The following ITSN1 variants were observed in gnomAD, a reference collection of about 807,000 sequenced individuals.
ITSN1 encodes the protein intersectin 1.
A neutral mutation model predicts 239.8 loss-of-function variants in ITSN1; 58 were observed. The observed-to-expected ratio is 0.24, with a 90% CI of 0.20 to 0.30. The LOEUF is 0.30. Among genes scored for constraint, ITSN1 ranks in the 10% least tolerant of loss-of-function variants. The pLI is 1.00. For synonymous variants in ITSN1, 780 were observed against 770.8 expected, an observed-to-expected ratio of 1.01 and a Z score of -0.20; for missense variants, 1,558 against 2,103.3, an observed-to-expected ratio of 0.74 and a Z score of 5.07.
At chr21:33,683,049 C>A (rs1269664314) in intron 1 of ITSN1, among the ~76,000 whole-genome samples, 3 of 152,164 alleles carry the variant, frequency 2.0e-5, no homozygotes, top group Admixed American at 6.5e-5. Context: ...CTTAACCAAA[C>A]ACTCTCTTTC....
At chr21:33,817,693 G>A in intron 22 of ITSN1, 2 of 1,104,630 alleles carry the variant, frequency 1.8e-6, no homozygotes, top group Admixed American at 7.1e-5. Context: ...GTAATCTCAT[G>A]GGGCAGTGCA....
chr21:33,865,295 G>C lies in ITSN1; in HGVS notation c.4035G>C (p.Gln1345His). 7 of 1,589,544 alleles carry C rather than the reference G, an allele frequency of 4.4e-6. No homozygotes were observed. Among genetic ancestry groups the C allele is most frequent in the Non-Finnish European group, 6.0e-6 (7 of 1,168,296 alleles). ...TCAACGGGGCTGCCCTGATCCAGCA[G>C]AAGACGGATGAGGCCCCAGACTTCA... ...RQLNGAALIQ[Q>H]KTDEAPDFKE... The change falls in exon 32 of 40, where the codon CAG (glutamine) becomes CAC (histidine). Residue 1345 changes from glutamine to histidine, a missense_variant. Transcript: ENST00000381318. This position sits in a 1 kb window ranked among gnomAD's most constrained non-coding sequence, Gnocchi z 4.4.
chr21:33,714,703 A>G (rs528633149), intron 1 of ITSN1, among the ~76,000 whole-genome samples: 3 of 152,324 alleles, frequency 2.0e-5, no homozygotes, highest in South Asian at 2.1e-4. Context: ...AGCTAATGCT[A>G]ACTTCATAAA....
intron 1 of ITSN1, among the ~76,000 whole-genome samples, chr21:33,648,019 T>G (rs1358110652): frequency 6.6e-6 from 1 of 152,226 alleles, no homozygotes. Flanking sequence ...CAATTTGTCA[T>G]TTAGAAAGAT....
intron 16 of ITSN1, among the ~76,000 whole-genome samples, chr21:33,787,640 A>C (rs2070773178): frequency 6.6e-6 from 1 of 152,192 alleles, no homozygotes; most frequent in Admixed American, 6.5e-5. Context: ...TAGCAACCAG[A>C]GGAAAAAAGA....
Position 33,839,706 on chromosome 21 carries a change from C to T in ITSN1, c.3661+3074C>T, listed in dbSNP as rs73900377. ...TACCTAATTCACTCCAGATGCCCCA[C>T]GCCCTCACTGTAGGCCATTTCCCCA... is the stretch of plus-strand genomic sequence containing the variant. On this transcript the variant is annotated intron_variant, in intron 29 of 39. Coordinates refer to ENST00000381318, the MANE Select transcript of ITSN1 (RefSeq NM_003024.3). Among the ~76,000 whole-genome samples the T allele has an allele frequency of 3.6e-3, 554 of 152,322 alleles. 1 individual carries two copies. The highest frequency in any genetic ancestry group is 0.012 in the African/African-American group (480 of 41,562).
chr21:33,888,434 C>G lies in ITSN1; in HGVS notation c.*134C>G, dbSNP rs1602735571. On this transcript the variant is annotated 3_prime_UTR_variant, in exon 40 of 40. Coordinates refer to ENST00000381318, the MANE Select transcript of ITSN1 (RefSeq NM_003024.3). ...GATATGGGATGGCAAAGACAGGCCC[C>G]TCAAAGCTCCTAGGAATCATTCTCG... 1.2e-5 allele frequency: 10 copies of G among 821,602 alleles called. No homozygotes were observed. In the East Asian group the frequency reaches 2.7e-4, roughly 23 times the overall value. The allele number at this position is 821,602 out of a possible 1,614,324, so 50.9% of individuals were successfully genotyped here.
intron 29 of ITSN1, among the ~76,000 whole-genome samples, chr21:33,849,881 A>G (rs917456579): frequency 6.6e-6 from 1 of 152,178 alleles, no homozygotes; most frequent in African/African-American, 2.4e-5. Flanking sequence ...TCATTATAAC[A>G]TGCCAGTCTG....
Position 33,690,790 on chromosome 21 carries a change from CATATATATATATATATATATATAT to C in ITSN1, c.-32-28006_-32-27983del, listed in dbSNP as rs1330651342. On this transcript the variant is annotated intron_variant, in intron 1 of 39. Coordinates refer to ENST00000381318, the MANE Select transcript of ITSN1 (RefSeq NM_003024.3). The stretch of plus-strand genomic sequence containing the variant: ...AAAAAAAAGTGTATATATATATATA[CATATATATATATATATATATATAT>C]GTATATATATATATATATATATATG... Among the ~76,000 whole-genome samples, 42 of 12,964 alleles carry C rather than the reference CATATATATATATATATATATATAT, an allele frequency of 3.2e-3. 3 individuals carry two copies. Among genetic ancestry groups the C allele is most frequent in the Admixed American group, 0.026 (20 of 764 alleles). The allele number at this position is 12,964 out of a possible 152,430, so 8.5% of individuals were successfully genotyped here. A position where few individuals can be genotyped will look rare whatever the true frequency, so the allele number is the denominator to read the frequency against.
chr21:33,666,404 G>T (rs938001972), intron 1 of ITSN1, among the ~76,000 whole-genome samples: 2 of 152,144 alleles, frequency 1.3e-5, no homozygotes, highest in African/African-American at 4.8e-5. Context: ...TCACTGAATT[G>T]CATACTTTAA....
At chr21:33,876,064 T>TTCTC (rs140205949) in intron 34 of ITSN1, among the ~76,000 whole-genome samples, 87,572 of 149,118 alleles carry the variant, frequency 0.59, 26,982 homozygotes, top group African/African-American at 0.77. Flanking sequence ...ATTTCTTTCT[T>TTCTC]TCTCTTTCTC....
Position 33,795,946 on chromosome 21 carries a change from A to C in ITSN1, c.1953-1433A>C, listed in dbSNP as rs1031772622. Among the ~76,000 whole-genome samples the C allele has an allele frequency of 3.3e-5, 3 of 91,822 alleles. No homozygotes were observed. The Admixed American group carries it at 4.7e-4, about 14-fold the overall frequency. The allele number at this position is 91,822 out of a possible 152,430, so 60.2% of individuals were successfully genotyped here. A position where few individuals can be genotyped will look rare whatever the true frequency, so the allele number is the denominator to read the frequency against. On this transcript the variant is annotated intron_variant, in intron 17 of 39. Coordinates refer to ENST00000381318, the MANE Select transcript of ITSN1 (RefSeq NM_003024.3). ...CCTTCATTGGTAGAAAATATAAAGT[A>C]ATTCTTTTTTTTTTTTTTTTAATTT...
At chr21:33,876,163 CTCTT>C (rs1345083783) in intron 34 of ITSN1, among the ~76,000 whole-genome samples, 7 of 131,584 alleles carry the variant, frequency 5.3e-5, no homozygotes, top group African/African-American at 1.4e-4. Context: ...CTCTCTCTCC[CTCTT>C]TCTTTCTTTC....
At chr21:33,876,683 TTG>T (rs1879876621) in intron 34 of ITSN1, among the ~76,000 whole-genome samples, 1 of 152,202 alleles carries the variant, frequency 6.6e-6, no homozygotes, top group African/African-American at 2.4e-5. Flanking sequence ...GGAGGCTAGT[TTG>T]TGTTCAAGAT....
chr21:33,644,895 T>C (rs545260090), intron 1 of ITSN1, among the ~76,000 whole-genome samples: 1 of 151,778 alleles, frequency 6.6e-6, no homozygotes, highest in Non-Finnish European at 1.5e-5. Context: ...AATCTTGGCA[T>C]ACTGCAGCCT....
At chr21:33,652,183 G>A (rs1197420852) in intron 1 of ITSN1, among the ~76,000 whole-genome samples, 2 of 152,146 alleles carry the variant, frequency 1.3e-5, no homozygotes, top group South Asian at 2.1e-4. Flanking sequence ...TAGGGACCAC[G>A]AGCACTGAAG....
At chr21:33,728,736 C>T (rs1270235596) in intron 4 of ITSN1, among the ~76,000 whole-genome samples, 1 of 152,154 alleles carries the variant, frequency 6.6e-6, no homozygotes, top group Non-Finnish European at 1.5e-5. Flanking sequence ...TTTCCCTTTA[C>T]CTTGGTAGCA....
At chr21:33,655,119 A>C (rs1460447074) in intron 1 of ITSN1, among the ~76,000 whole-genome samples, 1 of 152,188 alleles carries the variant, frequency 6.6e-6, no homozygotes, top group Middle Eastern at 3.2e-3. Flanking sequence ...GAAGTACCAA[A>C]ATTTAATCTA....
At chr21:33,842,535 G>T (rs1342454935) in intron 29 of ITSN1, among the ~76,000 whole-genome samples, 5 of 146,198 alleles carry the variant, frequency 3.4e-5, no homozygotes, top group Admixed American at 2.7e-4. Flanking sequence ...TGTGTGACAG[G>T]CAGTGAGCAG....
Sources: allele counts gnomAD v4.1 joint callset (sites outside exome capture counted in the v4.1 genomes callset), GRCh38; gene constraint gnomAD v4.1.1; non-coding constraint Gnocchi (gnomAD v3.1); transcripts MANE v1.5; gene names NCBI Gene and HGNC (gene_info 2026-07-23, HGNC 2026-07-21).